Variants in EBF1 observed in about 807,000 individuals in gnomAD.
EBF1 encodes transcription factor COE1.
Under a neutral mutation model 68.4 loss-of-function variants are expected in EBF1, and 10 were observed. That is an observed-to-expected ratio of 0.15 (90% CI 0.09 to 0.25). The LOEUF (loss-of-function observed/expected upper bound fraction) is 0.25, where lower values mean the gene tolerates loss of function less well. Among genes scored for constraint, EBF1 ranks in the 10% least tolerant of loss-of-function variants. The pLI, the probability that EBF1 is intolerant of heterozygous loss-of-function variation, is 1.00. For synonymous variants in EBF1, 298 were observed against 299.8 expected (o/e 0.99, Z 0.06); for missense variants, 509 against 794.4 (o/e 0.64, Z 4.32).
At chr5:158,869,985 T>C (rs896045708) in intron 6 of EBF1, among the ~76,000 whole-genome samples, 2 of 152,136 alleles carry the variant, frequency 1.3e-5, no homozygotes, top group African/African-American at 4.8e-5. Context: ...TTCCACAATA[T>C]GCCAAATACT....
chr5:159,044,159 T>C (rs930366332), intron 6 of EBF1, among the ~76,000 whole-genome samples: 8 of 152,260 alleles, frequency 5.3e-5, no homozygotes, highest in Non-Finnish European at 1.2e-4. Flanking sequence ...GAAGAAATTA[T>C]CTATTAACCA....
intron 6 of EBF1, among the ~76,000 whole-genome samples, chr5:159,016,489 C>G (rs1365214867): frequency 6.6e-6 from 1 of 152,160 alleles, no homozygotes; most frequent in Non-Finnish European, 1.5e-5. Context: ...TAAAATGTGA[C>G]TCCAATGATA....
intron 6 of EBF1, among the ~76,000 whole-genome samples, chr5:158,925,956 G>T (rs973049348): frequency 6.6e-6 from 1 of 152,108 alleles, no homozygotes; most frequent in Non-Finnish European, 1.5e-5. Context: ...AACAAAGTTT[G>T]GTGGGCTCTA....
At chr5:158,870,180 A>G (rs1410847624) in intron 6 of EBF1, among the ~76,000 whole-genome samples, 1 of 152,196 alleles carries the variant, frequency 6.6e-6, no homozygotes, top group Non-Finnish European at 1.5e-5. Context: ...CATGTTATTA[A>G]AAATACACTG....
rs1203492575 is a variant in EBF1, at chr5:158,915,779, CAAGAA to C, written c.555-75674_555-75670del. 2.6e-5 allele frequency among the ~76,000 whole-genome samples: 4 copies of C among 152,276 alleles called. No homozygotes were observed. In the East Asian group the frequency reaches 5.8e-4, roughly 22 times the overall value. ...AAGATGAAGACATAGTAAGTAAAAACAAGAAAAGAAGTTATAAAATAAGCTTGCTT... is the reference window on the plus strand; with the variant it reads ...AAGATGAAGACATAGTAAGTAAAAACAAGAAGTTATAAAATAAGCTTGCTT... On this transcript the variant is annotated intron_variant, in intron 6 of 15. Coordinates refer to ENST00000313708, the MANE Select transcript of EBF1 (RefSeq NM_024007.5).
chr5:158,849,339 T>G (rs909583704), intron 6 of EBF1, among the ~76,000 whole-genome samples: 2 of 152,172 alleles, frequency 1.3e-5, no homozygotes, highest in African/African-American at 2.4e-5. Context: ...GCCCTGAACA[T>G]GAAATCTCCT....
chr5:158,973,618 C>T (rs1756111833), intron 6 of EBF1, among the ~76,000 whole-genome samples: 2 of 152,130 alleles, frequency 1.3e-5, no homozygotes, highest in African/African-American at 4.8e-5. Flanking sequence ...CTCCAGAACC[C>T]CCAATCTCAG....
chr5:158,978,134 A>C (rs999797969), intron 6 of EBF1, among the ~76,000 whole-genome samples: 9 of 152,216 alleles, frequency 5.9e-5, no homozygotes, highest in African/African-American at 2.2e-4. Flanking sequence ...AAAATTTTTG[A>C]TGCTTCTCAC....
chr5:159,030,316 A>C (rs544982080), intron 6 of EBF1, among the ~76,000 whole-genome samples: 1 of 152,086 alleles, frequency 6.6e-6, no homozygotes, highest in Non-Finnish European at 1.5e-5. Flanking sequence ...CCTTTTTTTA[A>C]TGTTTAAAAA....
intron 4 of EBF1, among the ~76,000 whole-genome samples, chr5:159,088,819 T>C (rs1473374460): frequency 1.3e-5 from 2 of 152,114 alleles, no homozygotes; most frequent in African/African-American, 4.8e-5. Flanking sequence ...AAAAATCATA[T>C]AAAATATATT....
At chr5:158,787,174 A>G (rs1777623128) in intron 9 of EBF1, among the ~76,000 whole-genome samples, 1 of 152,228 alleles carries the variant, frequency 6.6e-6, no homozygotes, top group Admixed American at 6.5e-5. Context: ...GTTGCCTTAT[A>G]TATATCCTGC....
chr5:158,890,509 G>T (rs1306259060), intron 6 of EBF1, among the ~76,000 whole-genome samples: 3 of 152,126 alleles, frequency 2.0e-5, no homozygotes, highest in Non-Finnish European at 4.4e-5. Flanking sequence ...TGAACCATGG[G>T]ACTCCTATAG....
intron 11 of EBF1, among the ~76,000 whole-genome samples, chr5:158,725,004 G>A (rs1272097174): frequency 6.6e-6 from 1 of 152,212 alleles, no homozygotes; most frequent in African/African-American, 2.4e-5. Flanking sequence ...ATTTAAGGAT[G>A]TTGCTGCCTA....
At chr5:158,902,976 A>T (rs1803776226) in intron 6 of EBF1, among the ~76,000 whole-genome samples, 1 of 152,226 alleles carries the variant, frequency 6.6e-6, no homozygotes, top group Non-Finnish European at 1.5e-5. Flanking sequence ...GTTAAGAACA[A>T]CATCTAGCAG....
intron 9 of EBF1, among the ~76,000 whole-genome samples, chr5:158,780,751 AAAAC>A (rs1490504961): frequency 6.6e-6 from 1 of 152,180 alleles, no homozygotes; most frequent in African/African-American, 2.4e-5. Flanking sequence ...ATTATGGAAT[AAAAC>A]AAAGATTAAA....
chr5:158,845,705 G>GAAAA (rs374702772), intron 6 of EBF1, among the ~76,000 whole-genome samples: 2 of 138,294 alleles, frequency 1.4e-5, no homozygotes, highest in Non-Finnish European at 3.1e-5. Context: ...CCTACAAAAA[G>GAAAA]AAAAAAAAAA....
At chr5:159,042,394 G>A (rs1771385353) in intron 6 of EBF1, among the ~76,000 whole-genome samples, 1 of 152,202 alleles carries the variant, frequency 6.6e-6, no homozygotes, top group South Asian at 2.1e-4. Context: ...TGGACCCGAA[G>A]CCAGCCTTTC....
intron 11 of EBF1, among the ~76,000 whole-genome samples, chr5:158,724,267 A>G (rs146139879): frequency 1.5e-3 from 228 of 152,280 alleles, no homozygotes; most frequent in African/African-American, 5.3e-3. Context: ...GGTCACTTTC[A>G]TTTCAGGATA....
intron 8 of EBF1, among the ~76,000 whole-genome samples, chr5:158,802,468 G>A (rs190412901): frequency 2.6e-5 from 4 of 151,984 alleles, no homozygotes; most frequent in Admixed American, 6.6e-5. Flanking sequence ...GTAGGAAAAC[G>A]TGCACACTCT....
Sources: gnomAD v4.1 joint callset for allele counts (sites outside exome capture counted in the v4.1 genomes callset) on GRCh38, gnomAD v4.1.1 for gene constraint, MANE v1.5 for transcripts, NCBI Gene and HGNC (gene_info 2026-07-23, HGNC 2026-07-21) for gene names.